Variants in CTNS observed in about 807,000 individuals in gnomAD.
The protein encoded by CTNS is cystinosin.
In CTNS, 27 loss-of-function variants were observed where a neutral mutation model predicts 43.7. The ratio of observed to expected loss-of-function variants is 0.62; its 90% CI spans 0.46 to 0.85. The LOEUF is 0.85. Among genes scored for constraint, CTNS ranks in the 40% least tolerant of loss-of-function variants. The pLI, the probability that CTNS is intolerant of heterozygous loss-of-function variation, is 0.00. For synonymous variants in CTNS, 187 were observed against 190.6 expected (o/e 0.98, Z 0.16); for missense variants, 457 against 475.4 (o/e 0.96, Z 0.36).
chr17:3,658,293 A>AGGGAGCCC (rs2076204146), intron 10 of CTNS, 118 bp downstream of exon 10: 1 of 1,393,610 alleles, frequency 7.2e-7, no homozygotes, highest in South Asian at 1.2e-5. Flanking sequence ...GGAAAGCCAC[A>AGGGAGCCC]GGGAGCCCGG....
intron 11 of CTNS, 30 bp from the exon 12 acceptor site, chr17:3,660,206 C>A: frequency 1.2e-6 from 2 of 1,613,868 alleles, no homozygotes; most frequent in Non-Finnish European, 1.7e-6. Flanking sequence ...GCCAACCTAA[C>A]ACCAGCTTCT....
Position 3,656,681 on chromosome 17 carries a change from G to A in CTNS, c.567G>A (p.Gln189=), listed in dbSNP as rs1251831061. The A allele has an allele frequency of 1.9e-6, 3 of 1,613,000 alleles. No individual in the cohort carries two copies. Among genetic ancestry groups the A allele is most frequent in the South Asian group, 1.1e-5 (1 of 91,048 alleles). ...GLLWVPYIKE[Q]FLLKYPNGVN... Reference sequence around the variant, plus strand: ...TTCTCCCACCCACCAAACAGGAGCAGTTTCTCCTCAAATACCCCAACGGAG... The same window carrying A: ...TTCTCCCACCCACCAAACAGGAGCAATTTCTCCTCAAATACCCCAACGGAG... Residue 189 remains glutamine (Q), a synonymous_variant, in exon 9 of 12, where the codon CAG becomes CAA. Coordinates refer to ENST00000046640, the MANE Select transcript of CTNS (RefSeq NM_004937.3).
intron 3 of CTNS, among the ~76,000 whole-genome samples, chr17:3,641,001 A>G (rs466242): frequency 0.43 from 64,739 of 152,010 alleles, 14,465 homozygotes; most frequent in Non-Finnish European, 0.49. Context: ...CAGAAGAGGT[A>G]GCCACCCTGT....
chr17:3,642,121 G>A lies in CTNS; in HGVS notation c.61+1854G>A, dbSNP rs1023283560. Among the ~76,000 whole-genome samples, 9 of 129,594 alleles carry A rather than the reference G, an allele frequency of 6.9e-5. 1 individual carries two copies. Among genetic ancestry groups the A allele is most frequent in the East Asian group, 4.3e-4 (2 of 4,642 alleles). 85.0% of individuals were successfully genotyped at this position (129,594 alleles called of 152,430 possible). A position where few individuals can be genotyped will look rare whatever the true frequency, so the allele number is the denominator to read the frequency against. On this transcript the variant is annotated intron_variant, in intron 3 of 11. Coordinates refer to ENST00000046640, the MANE Select transcript of CTNS (RefSeq NM_004937.3). ...TGTGTGTGCCTGGGTGTGTGTCTGC[G>A]TGCATGTATGTGTGCCCGGGCGTGT...
rs1251778630 is a variant in CTNS at position 3,651,705 on chromosome 17, GATT to G, written c.225+2776_225+2778del. ...AACAGTGAGAGGCTGGGCACCGTGGGATTACATCTGTAATCCCAGCACTTTGGG... is the reference window on the plus strand; with the variant it reads ...AACAGTGAGAGGCTGGGCACCGTGGGACATCTGTAATCCCAGCACTTTGGG... On this transcript the variant is annotated intron_variant, in intron 5 of 11. Coordinates refer to ENST00000046640, the MANE Select transcript of CTNS (RefSeq NM_004937.3). 7.8e-3 allele frequency among the ~76,000 whole-genome samples: 1,184 copies of G among 151,918 alleles called. 12 individuals carry two copies. The highest frequency in any genetic ancestry group is 0.027 in the African/African-American group (1,125 of 41,470).
intron 6 of CTNS, 57 bp from the exon 7 acceptor site, chr17:3,655,164 G>A (rs752899521): frequency 3.3e-5 from 54 of 1,613,860 alleles, no homozygotes; most frequent in Non-Finnish European, 4.4e-5. Flanking sequence ...TGGGCACGTG[G>A]GAGTCTCCTT....
chr17:3,655,005 T>G lies in CTNS; in HGVS notation c.233T>G (p.Val78Gly), dbSNP rs1304164924. 1 of 1,612,942 alleles carries G rather than the reference T, an allele frequency of 6.2e-7. No homozygotes were observed. Among genetic ancestry groups the G allele is most frequent in the Non-Finnish European group, 8.5e-7 (1 of 1,178,868 alleles). Residue 78 changes from valine to glycine, a missense_variant, in exon 6 of 12, where the codon GTG becomes GGG. By Grantham distance (109) the Val-to-Gly change is moderately radical (BLOSUM62 -3). Coordinates refer to ENST00000046640, the MANE Select transcript of CTNS (RefSeq NM_004937.3). ...CCTCAGTCTTCCTAACAGGTTGTGG[T>G]GCCTCCTGGAGTGACAAACTCCTCT... ...TILELPDEVV[V>G]PPGVTNSSFQ...
intron 7 of CTNS, 188 bp downstream of exon 7, chr17:3,655,540 C>T (rs1014124461): frequency 5.1e-6 from 4 of 784,274 alleles, no homozygotes; most frequent in Admixed American, 2.4e-5. Flanking sequence ...GCGTTTCATC[C>T]CTTGCCCAGC....
intron 9 of CTNS, chr17:3,657,795 G>C: frequency 1.6e-6 from 1 of 608,308 alleles, no homozygotes; most frequent in Non-Finnish European, 2.9e-6. Context: ...TGCTGGGGAT[G>C]TCCAGCACCA....
chr17:3,639,903 CA>C (rs1015023762), intron 2 of CTNS, among the ~76,000 whole-genome samples: 19 of 152,130 alleles, frequency 1.2e-4, no homozygotes, highest in African/African-American at 4.6e-4. Flanking sequence ...TAAGTTTTTA[CA>C]AAAAGCAATT....
At chr17:3,659,191 A>AT (rs1567715224) in intron 10 of CTNS, among the ~76,000 whole-genome samples, 2 of 90,112 alleles carry the variant, frequency 2.2e-5, no homozygotes, top group Non-Finnish European at 6.5e-5. Context: ...GACCTGCCTC[A>AT]CGGGGGGAAG....
chr17:3,656,425 C>T (rs1435642444), intron 7 of CTNS, 62 bp from the exon 8 acceptor site: 1 of 904,784 alleles, frequency 1.1e-6, no homozygotes, highest in Non-Finnish European at 1.6e-6. Context: ...ACCCTCTGCC[C>T]TGTCCCTCCA....
At chr17:3,644,861 A>G (rs1377362024) in intron 3 of CTNS, among the ~76,000 whole-genome samples, 5 of 152,200 alleles carry the variant, frequency 3.3e-5, no homozygotes, top group Admixed American at 3.3e-4. Flanking sequence ...TCGGCCTCCC[A>G]AAGTGTTAGG....
chr17:3,650,066 A>G (rs2075942242), intron 5 of CTNS: 1 of 1,437,904 alleles, frequency 7.0e-7, no homozygotes, highest in African/African-American at 1.4e-5. Flanking sequence ...GATGATGGAT[A>G]TTAATTAGCT....
intron 2 of CTNS, among the ~76,000 whole-genome samples, chr17:3,637,601 G>A (rs545248924): frequency 4.6e-5 from 7 of 152,146 alleles, no homozygotes; most frequent in African/African-American, 1.7e-4. Flanking sequence ...CGAGTAGCTG[G>A]GACTACAGGC....
In CTNS at chr17:3,647,536, C is replaced by T; in HGVS notation, c.140+14C>T. The T allele has an allele frequency of 6.2e-7, 1 of 1,613,070 alleles. No homozygotes were observed. The highest frequency in any genetic ancestry group is 1.1e-5 in the South Asian group (1 of 91,080). ...CCTCACCCTGCGGTAAGTTCCTGGG[C>T]CTGGCGCTGTGCTCAGCTCCGCTCA... On this transcript the variant is annotated intron_variant, in intron 4 of 11. Coordinates refer to ENST00000046640, the MANE Select transcript of CTNS (RefSeq NM_004937.3).
intron 5 of CTNS, among the ~76,000 whole-genome samples, chr17:3,654,088 A>G (rs431416): frequency 2.6e-5 from 4 of 152,070 alleles, no homozygotes; most frequent in Non-Finnish European, 4.4e-5. Flanking sequence ...TTTGTGGACA[A>G]GGAGGAGCCC....
Position 3,658,279 on chromosome 17 carries a change from G to C in CTNS, c.852+104G>C, listed in dbSNP as rs985161402. 1.6e-5 allele frequency: 24 copies of C among 1,485,164 alleles called. No homozygotes were observed. The Middle Eastern group carries it at 7.0e-4, about 43-fold the overall frequency. The allele number at this position is 1,485,164 out of a possible 1,614,324, so 92.0% of individuals were successfully genotyped here. Reference sequence around the variant, plus strand: ...CAGCTCCTGCCGGCGTGAGGAAACAGGACGGAAAGCCACAGGGAGCCCGGG... The same window carrying C: ...CAGCTCCTGCCGGCGTGAGGAAACACGACGGAAAGCCACAGGGAGCCCGGG... On this transcript the variant is annotated intron_variant, in intron 10 of 11. Transcript: ENST00000046640.
At position 3,662,563 on chromosome 17, in the gene CTNS, C is replaced by T. The variant is rs914642836; in HGVS notation, c.*2194C>T. 2.0e-5 allele frequency among the ~76,000 whole-genome samples: 3 copies of T among 152,142 alleles called. No homozygotes were observed. Among genetic ancestry groups the T allele is most frequent in the Non-Finnish European group, 2.9e-5 (2 of 68,018 alleles). ...TCCCAGGCACCTCTGGGTGTCCCTA[C>T]GGCCCCTCCCAGGTGGGAGCTGAGG... On this transcript the variant is annotated 3_prime_UTR_variant, in exon 12 of 12. Transcript: ENST00000046640.
Sources: allele counts gnomAD v4.1 joint callset (sites outside exome capture counted in the v4.1 genomes callset), GRCh38; gene constraint gnomAD v4.1.1; transcripts MANE v1.5; gene names NCBI Gene and HGNC (gene_info 2026-07-23, HGNC 2026-07-21).